Variants in EFCC1 observed in about 807,000 individuals in gnomAD.
EFCC1 encodes the protein EF-hand and coiled-coil domain containing 1, also known as EF-hand and coiled-coil domain-containing protein 1.
A neutral mutation model predicts 52.1 loss-of-function variants in EFCC1; 50 were observed. The observed-to-expected ratio is 0.96, with a 90% CI of 0.76 to 1.21. The LOEUF (loss-of-function observed/expected upper bound fraction) is 1.21. Among genes scored for constraint, EFCC1 ranks in the 50% most tolerant of loss-of-function variants. EFCC1 has a pLI of 0.00. For synonymous variants in EFCC1, 399 were observed against 396.5 expected (o/e 1.01, Z -0.08); for missense variants, 837 against 867.3 (o/e 0.97, Z 0.44).
intron 2 of EFCC1, among the ~76,000 whole-genome samples, chr3:129,029,204 G>T (rs547736041): frequency 6.6e-6 from 1 of 152,338 alleles, no homozygotes; most frequent in African/African-American, 2.4e-5. Flanking sequence ...AGGGACAGAT[G>T]CTAGTATAAA....
chr3:129,023,514 A>T (rs902552797), intron 2 of EFCC1, among the ~76,000 whole-genome samples: 15 of 152,054 alleles, frequency 9.9e-5, no homozygotes, highest in Admixed American at 2.0e-4. Context: ...TTGTATTTTT[A>T]GTAGAGACGA....
At chr3:129,015,125 A>T (rs898981101) in intron 2 of EFCC1, among the ~76,000 whole-genome samples, 5 of 151,282 alleles carry the variant, frequency 3.3e-5, no homozygotes, top group African/African-American at 1.2e-4. Context: ...CTCTCCTGTG[A>T]CCTCCTCTGG....
In EFCC1 at chr3:129,010,723, C is replaced by T. The variant is rs146593713; in HGVS notation, c.980+6646C>T. Among the ~76,000 whole-genome samples, 1,562 of 152,308 alleles carry T rather than the reference C, an allele frequency of 0.01. 21 individuals are homozygous for T. The highest frequency in any genetic ancestry group is 0.036 in the African/African-American group (1,490 of 41,562). On this transcript the variant is annotated intron_variant, in intron 2 of 7. Coordinates refer to ENST00000683648, the MANE Select transcript of EFCC1 (RefSeq NM_001377500.1). The surrounding 1 kb of genome is among the most constrained non-coding windows in gnomAD (Gnocchi z 4.3). Reference sequence around the variant, plus strand: ...GAGCAGAGGGGGCATGGGGCACCATCTGGAGCTGGGAGGCCTCGGATTCCA... The same window carrying T: ...GAGCAGAGGGGGCATGGGGCACCATTTGGAGCTGGGAGGCCTCGGATTCCA...
intron 6 of EFCC1, among the ~76,000 whole-genome samples, chr3:129,037,682 T>TC (rs1361368087): frequency 6.6e-6 from 1 of 152,144 alleles, no homozygotes; most frequent in Non-Finnish European, 1.5e-5. Context: ...ATAGTAGGGA[T>TC]CTTCCTTCAC....
At chr3:129,018,140 C>T (rs1472842996) in intron 2 of EFCC1, among the ~76,000 whole-genome samples, 1 of 152,168 alleles carries the variant, frequency 6.6e-6, no homozygotes, top group Non-Finnish European at 1.5e-5. Context: ...GATTAGTTAT[C>T]TTAGGAAATC....
At chr3:129,019,764 C>CTTTTTTT (rs760118112) in intron 2 of EFCC1, among the ~76,000 whole-genome samples, 3 of 107,422 alleles carry the variant, frequency 2.8e-5, no homozygotes, top group East Asian at 3.0e-4. Flanking sequence ...ATTAAATTTA[C>CTTTTTTT]TTTTTTTTTT....
At chr3:129,024,089 GCTAA>G (rs1352844872) in intron 2 of EFCC1, among the ~76,000 whole-genome samples, 1 of 152,196 alleles carries the variant, frequency 6.6e-6, no homozygotes, top group Non-Finnish European at 1.5e-5. Flanking sequence ...CAGTCCCTGT[GCTAA>G]CTGTCCTCAA....
chr3:129,032,142 C>A (rs1946285142), intron 3 of EFCC1, among the ~76,000 whole-genome samples: 1 of 152,174 alleles, frequency 6.6e-6, no homozygotes, highest in Non-Finnish European at 1.5e-5. Flanking sequence ...ACATGTGTCA[C>A]ACCCCCTTCC....
At chr3:129,039,540 C>T (rs562355827) in intron 7 of EFCC1, among the ~76,000 whole-genome samples, 172 bp from the exon 8 acceptor site, 1 of 152,348 alleles carries the variant, frequency 6.6e-6, no homozygotes, top group African/African-American at 2.4e-5. Context: ...TGCTCCAAGT[C>T]CCCTCTCCAG....
intron 6 of EFCC1, among the ~76,000 whole-genome samples, chr3:129,037,513 A>G (rs1946372041): frequency 6.6e-6 from 1 of 152,232 alleles, no homozygotes; most frequent in African/African-American, 2.4e-5. Flanking sequence ...GACTTATCCT[A>G]CAAATTCAAG....
At chr3:129,016,534 G>A (rs78301508) in intron 2 of EFCC1, among the ~76,000 whole-genome samples, 5,942 of 150,254 alleles carry the variant, frequency 0.04, 300 homozygotes, top group African/African-American at 0.11. Context: ...CCCATAAGCC[G>A]TGCCCGTGAG....
chr3:129,003,272 G>T (rs80005819), intron 1 of EFCC1: 2 of 985,324 alleles, frequency 2.0e-6, no homozygotes, highest in Non-Finnish European at 2.4e-6. Context: ...ACGGTCTTCC[G>T]GCATCTCTCA....
Position 129,003,882 on chromosome 3 carries a change from G to T in EFCC1, c.785G>T (p.Gly262Val). 7.1e-7 allele frequency: 1 copy of T among 1,403,662 alleles called. No individual in the cohort carries two copies. Among genetic ancestry groups the T allele is most frequent in the Non-Finnish European group, 9.3e-7 (1 of 1,080,744 alleles). 87.0% of individuals were successfully genotyped at this position (1,403,662 alleles called of 1,614,324 possible). The change falls in exon 2 of 8, where the codon GGC becomes GTC. Residue 262 changes from glycine to valine, a missense_variant. By Grantham distance (109) the Gly-to-Val change is moderately radical. Transcript: ENST00000683648. ...AAVRELRQAQ[G>V]ALAAAEARAG... ...GTGCGGGAGCTGCGTCAGGCGCAGG[G>T]CGCCCTGGCTGCGGCGGAGGCCCGC... is the stretch of plus-strand genomic sequence containing the variant.
At chr3:129,016,304 A>G (rs1945579286) in intron 2 of EFCC1, among the ~76,000 whole-genome samples, 1 of 152,156 alleles carries the variant, frequency 6.6e-6, no homozygotes, top group Non-Finnish European at 1.5e-5. Flanking sequence ...AGAGCCAAAC[A>G]GGCTTCTGTG....
chr3:129,024,323 G>C (rs1020827691), intron 2 of EFCC1, among the ~76,000 whole-genome samples: 2 of 152,126 alleles, frequency 1.3e-5, no homozygotes, highest in Non-Finnish European at 2.9e-5. Flanking sequence ...CTTGAGGCCA[G>C]GAGTTCAAGA....
chr3:129,019,473 C>T (rs1945735184), intron 2 of EFCC1, among the ~76,000 whole-genome samples: 1 of 152,200 alleles, frequency 6.6e-6, no homozygotes, highest in Non-Finnish European at 1.5e-5. Context: ...GAGACCGCAG[C>T]AGGACCCTCA....
chr3:129,038,752 T>C (rs1050490351), intron 6 of EFCC1, 79 bp from the exon 7 acceptor site: 17 of 1,447,504 alleles, frequency 1.2e-5, no homozygotes, highest in African/African-American at 2.8e-5. Flanking sequence ...TAGAAGCCCG[T>C]AGGGGCCACC....
chr3:129,012,449 G>A (rs1370803264), intron 2 of EFCC1, among the ~76,000 whole-genome samples: 6 of 151,974 alleles, frequency 3.9e-5, no homozygotes, highest in Admixed American at 2.6e-4. Context: ...GGTTCTACTC[G>A]CTCCTGCTCC....
At chr3:129,018,248 G>A (rs1559965109) in intron 2 of EFCC1, among the ~76,000 whole-genome samples, 1 of 152,212 alleles carries the variant, frequency 6.6e-6, no homozygotes, top group Non-Finnish European at 1.5e-5. Context: ...TGTCTCCATA[G>A]GGAGCAGAAG....
Sources: allele counts gnomAD v4.1 joint callset (sites outside exome capture counted in the v4.1 genomes callset), GRCh38; gene constraint gnomAD v4.1.1; non-coding constraint Gnocchi (gnomAD v3.1); transcripts MANE v1.5; gene names NCBI Gene and HGNC (gene_info 2026-07-23, HGNC 2026-07-21).